The following ADAMTS18 variants were observed in gnomAD, a reference collection of about 807,000 sequenced individuals.
The protein encoded by ADAMTS18 is A disintegrin and metalloproteinase with thrombospondin motifs 18.
In ADAMTS18, 157 loss-of-function variants were observed where a neutral mutation model predicts 165.9. That is an observed-to-expected ratio of 0.95 (90% CI 0.83 to 1.08). The LOEUF is 1.08. ADAMTS18 is among the 50% of genes least tolerant of loss of function. The probability of loss-of-function intolerance (pLI) is 0.00; values close to 1 mark genes in which losing one functional copy is unlikely to be tolerated. For missense variants in ADAMTS18, 2,040 were observed against 1,534.0 expected, an observed-to-expected ratio of 1.33 and a Z score of -5.51; for synonymous variants, 782 against 578.2, an observed-to-expected ratio of 1.35 and a Z score of -5.06.
rs117409656 is a variant in ADAMTS18, at chr16:77,405,329, G to A, written c.495+25966C>T. 1.1e-3 allele frequency among the ~76,000 whole-genome samples: 169 copies of A among 152,218 alleles called. 2 individuals carry two copies. In the East Asian group the frequency reaches 0.027, roughly 24 times the overall value. ...CTCGAGCACCTTTCCATCCCACTTG[G>A]GAGAACAGCTTGCAATGTCCAATCC... On this transcript the variant is annotated intron_variant, in intron 3 of 22. Coordinates refer to ENST00000282849, the MANE Select transcript of ADAMTS18 (RefSeq NM_199355.4).
intron 3 of ADAMTS18, among the ~76,000 whole-genome samples, chr16:77,394,055 A>C (rs1011699103): frequency 1.1e-4 from 16 of 152,162 alleles, no homozygotes; most frequent in Non-Finnish European, 2.2e-4. Flanking sequence ...TGACGATTTT[A>C]TTTGTTTTTC....
chr16:77,322,645 C>A (rs1302054258), intron 13 of ADAMTS18, among the ~76,000 whole-genome samples, 179 bp from the exon 14 acceptor site: 1 of 152,160 alleles, frequency 6.6e-6, no homozygotes, highest in Non-Finnish European at 1.5e-5. Flanking sequence ...TCCCATGTAA[C>A]AATCCATATA....
At chr16:77,423,600 G>T (rs2144853236) in intron 3 of ADAMTS18, among the ~76,000 whole-genome samples, 1 of 152,254 alleles carries the variant, frequency 6.6e-6, no homozygotes, top group Non-Finnish European at 1.5e-5. Context: ...AGTTTTCCCT[G>T]TGTTACGTAG....
At chr16:77,302,481 T>C (rs1347817431) in intron 16 of ADAMTS18, among the ~76,000 whole-genome samples, 5 of 152,186 alleles carry the variant, frequency 3.3e-5, no homozygotes, top group African/African-American at 1.2e-4. Flanking sequence ...AGAATGGTAT[T>C]GCAGTACAAA....
intron 16 of ADAMTS18, among the ~76,000 whole-genome samples, chr16:77,310,088 T>A (rs1314483361): frequency 6.6e-6 from 1 of 152,206 alleles, no homozygotes; most frequent in African/African-American, 2.4e-5. Flanking sequence ...ATTTCAGTGC[T>A]GAAATGGGGC....
intron 3 of ADAMTS18, among the ~76,000 whole-genome samples, chr16:77,373,200 T>C (rs1597188801): frequency 6.6e-6 from 1 of 152,086 alleles, no homozygotes; most frequent in Non-Finnish European, 1.5e-5. Flanking sequence ...TATTGAAAAT[T>C]ATCCTCTCAG....
intron 3 of ADAMTS18, among the ~76,000 whole-genome samples, chr16:77,388,414 T>C (rs1482569988): frequency 1.3e-5 from 2 of 152,202 alleles, no homozygotes; most frequent in Non-Finnish European, 1.5e-5. Flanking sequence ...AGCTCTTCTA[T>C]GACCATCTCA....
intron 16 of ADAMTS18, among the ~76,000 whole-genome samples, chr16:77,317,216 C>G (rs1283174746): frequency 2.0e-5 from 3 of 152,172 alleles, no homozygotes; most frequent in East Asian, 1.9e-4. Context: ...CTCCAACACT[C>G]TAAGTTTCAT....
chr16:77,419,623 T>G (rs2057575233), intron 3 of ADAMTS18, among the ~76,000 whole-genome samples: 1 of 152,194 alleles, frequency 6.6e-6, no homozygotes, highest in Admixed American at 6.5e-5. Context: ...CAGTCATGGT[T>G]ACATCTGCAA....
chr16:77,354,835 A>T (rs182132), intron 9 of ADAMTS18, among the ~76,000 whole-genome samples: 118,259 of 151,808 alleles, frequency 0.78, 46,566 homozygotes, highest in East Asian at 0.91. Flanking sequence ...AGCCTATGTT[A>T]AGTTGATCTT....
intron 16 of ADAMTS18, among the ~76,000 whole-genome samples, chr16:77,303,946 C>T (rs1179808017): frequency 6.6e-6 from 1 of 151,956 alleles, no homozygotes; most frequent in Non-Finnish European, 1.5e-5. Flanking sequence ...AGGAGAAGGG[C>T]GTGAACTCAG....
chr16:77,379,827 C>G (rs1005304960), intron 3 of ADAMTS18, among the ~76,000 whole-genome samples: 3 of 152,168 alleles, frequency 2.0e-5, no homozygotes, highest in Non-Finnish European at 4.4e-5. Flanking sequence ...AGGCCCTCCC[C>G]TTCCCAGTGA....
chr16:77,357,709 T>C (rs894328381), intron 8 of ADAMTS18, among the ~76,000 whole-genome samples: 2 of 152,214 alleles, frequency 1.3e-5, no homozygotes, highest in African/African-American at 4.8e-5. Context: ...TTTAATTTAA[T>C]AGCATTTTAG....
rs1398661956 is a variant in ADAMTS18 at position 77,434,634 on chromosome 16, C to A, written c.62G>T (p.Gly21Val). 1 of 1,488,426 alleles carries A rather than the reference C, an allele frequency of 6.7e-7. No homozygotes were observed. Among genetic ancestry groups the A allele is most frequent in the Non-Finnish European group, 8.9e-7 (1 of 1,126,598 alleles). 92.2% of individuals were successfully genotyped at this position (1,488,426 alleles called of 1,614,324 possible). A position where few individuals can be genotyped will look rare whatever the true frequency, so the allele number is the denominator to read the frequency against. The part of the protein sequence containing the change: ...FPAAGSGPPR[G>V]LAGLGRVAKA... The stretch of plus-strand genomic sequence containing the variant: ...GGCCACGCGCCCCAGTCCCGCCAGG[C>A]CCCTCGGCGGGCCCGAACCCGCAGC... Residue 21 changes from glycine to valine, a missense_variant, in exon 1 of 23, where the codon GGC becomes GTC. Physicochemically the swap from Gly to Val is moderately radical, Grantham distance 109. Coordinates refer to ENST00000282849, the MANE Select transcript of ADAMTS18 (RefSeq NM_199355.4).
At chr16:77,362,753 G>C (rs916801887) in intron 6 of ADAMTS18, among the ~76,000 whole-genome samples, 4 of 152,156 alleles carry the variant, frequency 2.6e-5, no homozygotes, top group Non-Finnish European at 4.4e-5. Context: ...CAAAGGATAA[G>C]AGAGGACCTA....
chr16:77,374,712 A>T (rs1308421717), intron 3 of ADAMTS18, among the ~76,000 whole-genome samples: 1 of 152,228 alleles, frequency 6.6e-6, no homozygotes, highest in Non-Finnish European at 1.5e-5. Flanking sequence ...TGCAAACTGC[A>T]GACAACTCAA....
chr16:77,300,333 T>A lies in ADAMTS18; in HGVS notation c.2604A>T (p.Pro868=). The change falls in exon 17 of 23, where the codon CCA becomes CCT. Residue 868 remains proline (P), a synonymous_variant. Transcript: ENST00000282849. The part of the protein sequence containing the change: ...YALPKVMNGT[P]PATKRPAYTW... ...TATAGGCAGGTCTTTTTGTGGCTGG[T>A]GGAGTTCCATTCATGACCTTGGGAA... The A allele has an allele frequency of 3.2e-6, 5 of 1,585,030 alleles. No individual in the cohort carries two copies. Among genetic ancestry groups the A allele is most frequent in the Non-Finnish European group, 4.3e-6 (5 of 1,166,938 alleles).
At chr16:77,366,582 C>CA (rs933757427) in intron 4 of ADAMTS18, among the ~76,000 whole-genome samples, 4 of 151,876 alleles carry the variant, frequency 2.6e-5, no homozygotes, top group Non-Finnish European at 4.4e-5. Context: ...AAAACAAAAA[C>CA]AAAAAAACAA....
At chr16:77,332,245 ATC>A (rs1326696259) in intron 12 of ADAMTS18, among the ~76,000 whole-genome samples, 2 of 152,158 alleles carry the variant, frequency 1.3e-5, no homozygotes, top group Non-Finnish European at 2.9e-5. Flanking sequence ...TGTAAATTAA[ATC>A]TGTTTTCCAA....
Sources: gnomAD v4.1 joint callset for allele counts (sites outside exome capture counted in the v4.1 genomes callset) on GRCh38, gnomAD v4.1.1 for gene constraint, MANE v1.5 for transcripts, NCBI Gene and HGNC (gene_info 2026-07-23, HGNC 2026-07-21) for gene names.